The following LARGE1 variants were observed in gnomAD, a reference collection of about 807,000 sequenced individuals.
The protein encoded by LARGE1 is LARGE xylosyl- and glucuronyltransferase 1.
A neutral mutation model predicts 87.6 loss-of-function variants in LARGE1; 43 were observed. The observed-to-expected ratio is 0.49, with a 90% CI of 0.38 to 0.63. The LOEUF (loss-of-function observed/expected upper bound fraction) is 0.63. Ranked by LOEUF, LARGE1 falls within the 30% of genes least tolerant of loss-of-function variation. The probability of loss-of-function intolerance (pLI) is 0.00; values close to 1 mark genes in which losing one functional copy is unlikely to be tolerated. For synonymous variants in LARGE1, 434 were observed against 394.6 expected (o/e 1.10, Z -1.18); for missense variants, 802 against 1,000.2 (o/e 0.80, Z 2.67).
At chr22:33,203,841 C>T (rs1388828522) in intron 11 of LARGE1, among the ~76,000 whole-genome samples, 1 of 152,192 alleles carries the variant, frequency 6.6e-6, no homozygotes, top group Non-Finnish European at 1.5e-5. Context: ...ATCACCACTC[C>T]CCGGACCTTA....
chr22:33,796,377 G>C (rs1045606878), intron 1 of LARGE1, among the ~76,000 whole-genome samples: 1 of 152,134 alleles, frequency 6.6e-6, no homozygotes, highest in South Asian at 2.1e-4. Context: ...TGGAGAGAAG[G>C]CTGCACCACT....
At chr22:33,165,354 G>A (rs1428016555) in exon 12 of LARGE1, 1 of 152,172 alleles carries the variant, frequency 6.6e-6, no homozygotes, top group Non-Finnish European at 1.5e-5. Context: ...GCACTGGTGA[G>A]TTTGCTGCAA....
the LARGE1 span, among the ~76,000 whole-genome samples, chr22:33,070,767 G>A: frequency 2.0e-5 from 3 of 152,212 alleles, no homozygotes; most frequent in Non-Finnish European, 2.9e-5. Flanking sequence ...ACATGTGTGA[G>A]TGTTCCAGGC....
At chr22:33,505,468 T>C (rs929679759) in intron 6 of LARGE1, among the ~76,000 whole-genome samples, 4 of 152,156 alleles carry the variant, frequency 2.6e-5, no homozygotes, top group African/African-American at 9.7e-5. Flanking sequence ...TGGGCTCGTT[T>C]CCCTGGAAGA....
chr22:33,179,832 C>G (rs1405523263), intron 11 of LARGE1, among the ~76,000 whole-genome samples: 1 of 151,526 alleles, frequency 6.6e-6, no homozygotes, highest in African/African-American at 2.4e-5. Context: ...TAATCCCCTG[C>G]TACGGTTTGA....
chr22:33,587,119 T>C (rs2078700575), intron 5 of LARGE1, among the ~76,000 whole-genome samples: 2 of 152,220 alleles, frequency 1.3e-5, no homozygotes, highest in Admixed American at 6.5e-5. Flanking sequence ...AATAAAATGT[T>C]ATTTAAAAAT....
At chr22:33,087,512 A>G in the LARGE1 span, among the ~76,000 whole-genome samples, 10 of 152,270 alleles carry the variant, frequency 6.6e-5, no homozygotes, top group African/African-American at 2.4e-4. Flanking sequence ...GTGCATTAGT[A>G]TACAGCACTG....
intron 12 of LARGE1, among the ~76,000 whole-genome samples, chr22:33,295,729 G>T (rs1022417196): frequency 2.0e-5 from 3 of 152,154 alleles, no homozygotes; most frequent in African/African-American, 7.2e-5. Context: ...AGCTTTGTGG[G>T]GACAACAGCA....
At chr22:33,813,806 C>T (rs1180349721) in intron 1 of LARGE1, among the ~76,000 whole-genome samples, 1 of 152,166 alleles carries the variant, frequency 6.6e-6, no homozygotes, top group Non-Finnish European at 1.5e-5. Flanking sequence ...ATGCTCCCAA[C>T]TTCAGCCTTA....
rs1477321441 is a variant in LARGE1 at position 33,793,795 on chromosome 22, T to TC, written c.-82-32238_-82-32237insG. ...AAGGCAAGCACCCCCCAACTTTTTT[T>TC]TTTTCATAAGAATCTGTCCTCTTAT... On this transcript the variant is annotated intron_variant, in intron 1 of 14. Coordinates refer to ENST00000397394, the MANE Select transcript of LARGE1 (RefSeq NM_133642.5). 7.9e-5 allele frequency among the ~76,000 whole-genome samples: 12 copies of TC among 151,982 alleles called. No individual in the cohort carries two copies. The East Asian group carries it at 2.3e-3, about 29-fold the overall frequency.
chr22:33,130,313 C>CATAAAAAA, the LARGE1 span, among the ~76,000 whole-genome samples: 1 of 57,036 alleles, frequency 1.8e-5, no homozygotes, highest in Non-Finnish European at 3.0e-5. Context: ...GATTCCGTCT[C>CATAAAAAA]AAAAAAAAAA....
intron 6 of LARGE1, among the ~76,000 whole-genome samples, chr22:33,533,121 C>T (rs1232128348): frequency 6.6e-6 from 1 of 152,176 alleles, no homozygotes; most frequent in Non-Finnish European, 1.5e-5. Flanking sequence ...TATGAGCATC[C>T]TGGGCTGAGT....
chr22:33,594,275 T>C (rs1344012534), intron 5 of LARGE1, among the ~76,000 whole-genome samples: 1 of 152,172 alleles, frequency 6.6e-6, no homozygotes, highest in Non-Finnish European at 1.5e-5. Context: ...GCCAACACCC[T>C]GGGCCTTGCA....
At chr22:33,718,142 A>G (rs2082967523) in intron 2 of LARGE1, among the ~76,000 whole-genome samples, 1 of 152,192 alleles carries the variant, frequency 6.6e-6, no homozygotes, top group South Asian at 2.1e-4. Flanking sequence ...ATATGCCGTT[A>G]TTTACTGTCA....
the LARGE1 span, among the ~76,000 whole-genome samples, chr22:33,077,924 T>C: frequency 6.6e-6 from 1 of 152,206 alleles, no homozygotes; most frequent in Non-Finnish European, 1.5e-5. Flanking sequence ...AAGGTGTTTA[T>C]GCACCTTTGT....
rs146042789 is a variant in LARGE1 at position 33,621,759 on chromosome 22, T to C, written c.491+4485A>G. On this transcript the variant is annotated intron_variant, in intron 4 of 14. Coordinates refer to ENST00000397394, the MANE Select transcript of LARGE1 (RefSeq NM_133642.5). ...ACCAGCATATCAATTCACAGAATCA[T>C]TCCCATTTGTATAATTTCAGGGATG... 8.9e-4 allele frequency among the ~76,000 whole-genome samples: 135 copies of C among 152,312 alleles called. 1 individual carries two copies. Among genetic ancestry groups the C allele is most frequent in the Non-Finnish European group, 1.5e-3 (105 of 68,028 alleles).
the LARGE1 span, among the ~76,000 whole-genome samples, chr22:33,138,735 C>T: frequency 6.6e-6 from 1 of 152,156 alleles, no homozygotes; most frequent in African/African-American, 2.4e-5. Context: ...CGAGCCACCA[C>T]ACCTGGCCAG....
At chr22:33,070,347 C>T in the LARGE1 span, among the ~76,000 whole-genome samples, 1 of 152,080 alleles carries the variant, frequency 6.6e-6, no homozygotes, top group Non-Finnish European at 1.5e-5. Context: ...GGTTTGCAAC[C>T]AGAGATGACT....
intron 11 of LARGE1, among the ~76,000 whole-genome samples, chr22:33,178,476 C>T (rs1254918425): frequency 6.6e-6 from 1 of 152,174 alleles, no homozygotes; most frequent in Non-Finnish European, 1.5e-5. Flanking sequence ...TTAGAATGGA[C>T]ATGAACAGGT....
Sources: allele counts gnomAD v4.1 joint callset (sites outside exome capture counted in the v4.1 genomes callset), GRCh38; gene constraint gnomAD v4.1.1; transcripts MANE v1.5; gene names NCBI Gene and HGNC (gene_info 2026-07-23, HGNC 2026-07-21).